Variants in CLASP1 observed in about 807,000 individuals in gnomAD.
CLASP1 encodes the protein cytoplasmic linker associated protein 1.
A neutral mutation model predicts 192.3 loss-of-function variants in CLASP1; 38 were observed. The ratio of observed to expected loss-of-function variants is 0.20; its 90% CI spans 0.15 to 0.26. The LOEUF is 0.26. CLASP1 is among the 10% of genes least tolerant of loss of function. The probability of loss-of-function intolerance (pLI) is 1.00; values close to 1 mark genes in which losing one functional copy is unlikely to be tolerated. For synonymous variants in CLASP1, 691 were observed against 712.8 expected (o/e 0.97, Z 0.49); for missense variants, 1,433 against 1,932.5 (o/e 0.74, Z 4.85).
At chr2:121,499,604 C>T (rs191914989) in intron 8 of CLASP1, among the ~76,000 whole-genome samples, 62 of 150,938 alleles carry the variant, frequency 4.1e-4, no homozygotes, top group African/African-American at 1.4e-3. Context: ...TTTAAATGAA[C>T]GGCAACTAGA....
chr2:121,360,863 C>T (rs1034633910), intron 37 of CLASP1, among the ~76,000 whole-genome samples: 2 of 152,068 alleles, frequency 1.3e-5, no homozygotes, highest in African/African-American at 4.8e-5. Flanking sequence ...CCGAGTGCTG[C>T]TAAGTTTATT....
intron 34 of CLASP1, among the ~76,000 whole-genome samples, chr2:121,374,658 T>A (rs747103882): frequency 9.2e-5 from 14 of 152,210 alleles, no homozygotes; most frequent in Non-Finnish European, 1.5e-4. Flanking sequence ...ACTCCTTGCA[T>A]CAGTGTGCCC....
At position 121,353,728 on chromosome 2, in the gene CLASP1, A is replaced by G. The variant is rs115179193; in HGVS notation, c.4207-5010T>C. ...CCATGACTGGCACAATGTCCAGTAT[A>G]CGCCAGGTGCTCAATAAATAGCTGT... is the stretch of plus-strand genomic sequence containing the variant. On this transcript the variant is annotated intron_variant, in intron 37 of 39. Transcript: ENST00000263710. Among the ~76,000 whole-genome samples, 1,349 of 152,330 alleles carry G rather than the reference A, an allele frequency of 8.9e-3. 15 individuals carry two copies. Among genetic ancestry groups the G allele is most frequent in the African/African-American group, 0.03 (1,247 of 41,578 alleles).
At chr2:121,356,451 G>C (rs2149191656) in intron 37 of CLASP1, among the ~76,000 whole-genome samples, 1 of 152,350 alleles carries the variant, frequency 6.6e-6, no homozygotes, top group African/African-American at 2.4e-5. Context: ...GTACCAGAGG[G>C]AGGGGAGAAG....
intron 8 of CLASP1, among the ~76,000 whole-genome samples, chr2:121,484,135 A>C (rs1207730813): frequency 6.6e-6 from 1 of 152,246 alleles, no homozygotes; most frequent in Non-Finnish European, 1.5e-5. Flanking sequence ...TACGTAAGGT[A>C]CAGGATATCT....
intron 30 of CLASP1, 78 bp downstream of exon 31, chr2:121,397,062 T>G (rs1202554757): frequency 1.3e-6 from 2 of 1,496,180 alleles, no homozygotes; most frequent in African/African-American, 1.4e-5. Context: ...GTGGCACGGT[T>G]TTCAAGTTTC....
At chr2:121,558,779 C>G (rs1377665332) in intron 2 of CLASP1, among the ~76,000 whole-genome samples, 1 of 152,212 alleles carries the variant, frequency 6.6e-6, no homozygotes, top group Non-Finnish European at 1.5e-5. Context: ...TACACTCTTG[C>G]TGCCAATTGG....
At chr2:121,640,198 C>T (rs774588815) in intron 1 of CLASP1, among the ~76,000 whole-genome samples, 10 of 148,768 alleles carry the variant, frequency 6.7e-5, no homozygotes, top group Non-Finnish European at 1.3e-4. Flanking sequence ...GGGTGGGGAA[C>T]GTCACACACT....
At chr2:121,541,618 A>G (rs1202583688) in intron 2 of CLASP1, among the ~76,000 whole-genome samples, 2 of 152,136 alleles carry the variant, frequency 1.3e-5, no homozygotes, top group African/African-American at 2.4e-5. Flanking sequence ...GGATAACTTC[A>G]AACGTCAGCC....
intron 9 of CLASP1, among the ~76,000 whole-genome samples, chr2:121,468,827 C>A (rs1431103239): frequency 6.6e-6 from 1 of 152,110 alleles, no homozygotes; most frequent in Non-Finnish European, 1.5e-5. Context: ...CGTTATTATC[C>A]ACATTCTGAG....
chr2:121,521,644 C>G (rs983195570), intron 6 of CLASP1, among the ~76,000 whole-genome samples: 1 of 152,222 alleles, frequency 6.6e-6, no homozygotes, highest in Admixed American at 6.5e-5. Context: ...AAAGGCCTCC[C>G]TGCTCTGAGT....
At chr2:121,465,902 G>C (rs1041900104) in intron 9 of CLASP1, among the ~76,000 whole-genome samples, 2 of 152,030 alleles carry the variant, frequency 1.3e-5, no homozygotes, top group African/African-American at 4.8e-5. Context: ...ACAAACCTGA[G>C]AAAAACAAGC....
intron 19 of CLASP1, among the ~76,000 whole-genome samples, chr2:121,432,834 T>G (rs2081661903): frequency 6.6e-6 from 1 of 152,336 alleles, no homozygotes; most frequent in East Asian, 1.9e-4. Context: ...GTTATCTAAA[T>G]AGAATAACAC....
chr2:121,524,589 T>C (rs945259195), intron 6 of CLASP1, among the ~76,000 whole-genome samples: 2 of 152,122 alleles, frequency 1.3e-5, no homozygotes, highest in Admixed American at 1.3e-4. Context: ...CCCAAGTAGC[T>C]GCGATCACAG....
In CLASP1 at chr2:121,528,671, C is replaced by T. The variant is rs376016549; in HGVS notation, c.378+6G>A. The stretch of plus-strand genomic sequence containing the variant: ...GCTGACCTCAAAACACATCTCTTGC[C>T]CCTACCTGGGGATTAGCAGCTTGAT... On this transcript the variant is annotated splice_donor_region_variant and intron_variant, in intron 4 of 39. Transcript: ENST00000263710. 104 of 1,613,484 alleles carry T rather than the reference C, an allele frequency of 6.4e-5. No homozygotes were observed. The highest frequency in any genetic ancestry group is 8.1e-5 in the Non-Finnish European group (95 of 1,179,516).
At position 121,371,383 on chromosome 2, in the gene CLASP1, CA is replaced by C. The variant is rs2068687322; in HGVS notation, c.3643-3553del. Among the ~76,000 whole-genome samples the C allele has an allele frequency of 2.0e-5, 3 of 152,038 alleles. No individual in the cohort carries two copies. The South Asian group carries it at 6.2e-4, about 32-fold the overall frequency. ...GTAGCTGGGACTACAGGGTGCACACCACCACATCTAGATAAATTAAATTTTT... is the reference window on the plus strand; with the variant it reads ...GTAGCTGGGACTACAGGGTGCACACCCCACATCTAGATAAATTAAATTTTT... On this transcript the variant is annotated intron_variant, in intron 34 of 39. Transcript: ENST00000263710.
intron 2 of CLASP1, among the ~76,000 whole-genome samples, chr2:121,556,368 G>C (rs542511440): frequency 6.6e-6 from 1 of 152,088 alleles, no homozygotes; most frequent in Non-Finnish European, 1.5e-5. Flanking sequence ...GCTTGGGTAA[G>C]AGCCAGTCTT....
chr2:121,403,313 T>C (rs2149470997), intron 26 of CLASP1: 1 of 426,746 alleles, frequency 2.3e-6, no homozygotes. Context: ...TATCTTCTTT[T>C]CTATATCCCT....
Position 121,632,725 on chromosome 2 carries a change from C to T in CLASP1, c.-286+16647G>A, listed in dbSNP as rs969368996. Among the ~76,000 whole-genome samples the T allele has an allele frequency of 3.9e-5, 6 of 151,904 alleles. No homozygotes were observed. In the East Asian group the frequency reaches 7.7e-4, roughly 19 times the overall value. ...TAGCCTGACCAGCATGCAGAAACCT[C>T]GTCTCTACTAAAAATACAAAATTAG... On this transcript the variant is annotated intron_variant, in intron 1 of 39. Transcript: ENST00000263710.
Sources: allele counts gnomAD v4.1 joint callset (sites outside exome capture counted in the v4.1 genomes callset), GRCh38; gene constraint gnomAD v4.1.1; transcripts MANE v1.5; gene names NCBI Gene and HGNC (gene_info 2026-07-23, HGNC 2026-07-21).